Variants in CRISPLD2 observed in about 807,000 individuals in gnomAD.
CRISPLD2 encodes the protein cysteine rich secretory protein LCCL domain containing 2, also known as cysteine-rich secretory protein LCCL domain-containing 2.
A neutral mutation model predicts 71.1 loss-of-function variants in CRISPLD2; 47 were observed. That is an observed-to-expected ratio of 0.66 (90% CI 0.52 to 0.84). The LOEUF (loss-of-function observed/expected upper bound fraction) is 0.84, where lower values mean the gene tolerates loss of function less well. Among genes scored for constraint, CRISPLD2 ranks in the 40% least tolerant of loss-of-function variants. CRISPLD2 has a pLI of 0.00. For synonymous variants in CRISPLD2, 317 were observed against 250.1 expected (o/e 1.27, Z -2.52); for missense variants, 830 against 651.1 (o/e 1.27, Z -2.99).
chr16:84,867,898 C>T (rs1213959497), intron 7 of CRISPLD2, among the ~76,000 whole-genome samples: 1 of 152,172 alleles, frequency 6.6e-6, no homozygotes, highest in Admixed American at 6.5e-5. Context: ...GGGTGGAGTT[C>T]AGCTCCCCTT....
chr16:84,887,079 G>C (rs1433469021), intron 13 of CRISPLD2, among the ~76,000 whole-genome samples: 1 of 152,088 alleles, frequency 6.6e-6, no homozygotes, highest in Non-Finnish European at 1.5e-5. Flanking sequence ...ACCATGTCTT[G>C]CTCTCTTCTT....
intron 7 of CRISPLD2, 62 bp downstream of exon 7, chr16:84,867,102 G>A: frequency 6.5e-7 from 1 of 1,546,882 alleles, no homozygotes; most frequent in Non-Finnish European, 8.9e-7. Flanking sequence ...GGGACGGGGT[G>A]GGTGGAGGAG....
intron 1 of CRISPLD2, among the ~76,000 whole-genome samples, chr16:84,837,260 T>C (rs926668405): frequency 5.9e-5 from 9 of 152,086 alleles, no homozygotes; most frequent in African/African-American, 2.2e-4. Flanking sequence ...GACCCTATAA[T>C]GGAGGGGAGG....
intron 1 of CRISPLD2, among the ~76,000 whole-genome samples, chr16:84,827,899 C>T (rs1916393952): frequency 2.0e-5 from 3 of 152,144 alleles, no homozygotes; most frequent in Non-Finnish European, 2.9e-5. Context: ...CTCAGCAGGA[C>T]CTTGCCGTCT....
intron 1 of CRISPLD2, among the ~76,000 whole-genome samples, chr16:84,837,405 C>A (rs1178231206): frequency 6.7e-6 from 1 of 148,564 alleles, no homozygotes; most frequent in East Asian, 2.0e-4. Flanking sequence ...CCACACTAAG[C>A]CATAGCTTGC....
intron 7 of CRISPLD2, 118 bp downstream of exon 7, chr16:84,867,158 C>A: frequency 1.9e-6 from 2 of 1,028,928 alleles, no homozygotes; most frequent in Non-Finnish European, 1.4e-6. Context: ...CAGTGGCAAA[C>A]AGGGTGCGGC....
At position 84,877,463 on chromosome 16, in the gene CRISPLD2, C is replaced by G; in HGVS notation, c.1182C>G (p.Thr394=). Residue 394 remains threonine (T), a synonymous_variant, in exon 12 of 15, where the codon ACC becomes ACG. Coordinates refer to ENST00000262424, the MANE Select transcript of CRISPLD2 (RefSeq NM_031476.4). The part of the protein sequence containing the change: ...VKVQDLDCYT[T]VAQLCPFEKP... ...TGCAGGATTTGGACTGCTACACGAC[C>G]GTTGCTCAGCTGTGCCCGTTTGAAA... 1 of 1,613,894 alleles carries G rather than the reference C, an allele frequency of 6.2e-7. No homozygotes were observed. Among genetic ancestry groups the G allele is most frequent in the South Asian group, 1.1e-5 (1 of 91,076 alleles).
chr16:84,824,599 A>G (rs2143129920), intron 1 of CRISPLD2, among the ~76,000 whole-genome samples: 1 of 152,300 alleles, frequency 6.6e-6, no homozygotes, highest in African/African-American at 2.4e-5. Context: ...TCCTTTTACA[A>G]CAAAGAGCAA....
intron 6 of CRISPLD2, among the ~76,000 whole-genome samples, chr16:84,857,037 A>T (rs983797159): frequency 6.6e-6 from 1 of 152,204 alleles, no homozygotes; most frequent in African/African-American, 2.4e-5. Context: ...AAGAGGTCCA[A>T]TGTAATTAAC....
chr16:84,881,344 A>G (rs1411059715), intron 13 of CRISPLD2, among the ~76,000 whole-genome samples: 2 of 152,190 alleles, frequency 1.3e-5, no homozygotes, highest in Non-Finnish European at 2.9e-5. Context: ...GGTTATACCA[A>G]TCTCTTCCTC....
At chr16:84,893,300 A>G (rs552975228) in intron 14 of CRISPLD2, among the ~76,000 whole-genome samples, 1 of 152,272 alleles carries the variant, frequency 6.6e-6, no homozygotes, top group Admixed American at 6.5e-5. Flanking sequence ...ATGACATGAA[A>G]CCCAGGGGCA....
chr16:84,846,402 G>A (rs959204600), intron 3 of CRISPLD2, among the ~76,000 whole-genome samples: 2 of 152,126 alleles, frequency 1.3e-5, no homozygotes, highest in African/African-American at 2.4e-5. Flanking sequence ...ATAGGCATGT[G>A]CCACCACGCC....
At position 84,907,785 on chromosome 16, in the gene CRISPLD2, G is replaced by A. The variant is rs2071817583; in HGVS notation, c.*1143G>A. 1 of 152,162 alleles carries A rather than the reference G, an allele frequency of 6.6e-6. No homozygotes were observed. Among genetic ancestry groups the A allele is most frequent in the Non-Finnish European group, 1.5e-5 (1 of 68,040 alleles). 9.4% of individuals were successfully genotyped at this position (152,162 alleles called of 1,614,324 possible). On this transcript the variant is annotated 3_prime_UTR_variant, in exon 15 of 15. Coordinates refer to ENST00000262424, the MANE Select transcript of CRISPLD2 (RefSeq NM_031476.4). ...TGTGGCCTCATGACAGCGAGAGATG[G>A]GAATACACTAGAAGGATCTCTTTTC...
rs1297496215 is a variant in CRISPLD2 at position 84,849,435 on chromosome 16, A to G, written c.410A>G (p.Asp137Gly). 2 of 1,614,012 alleles carry G rather than the reference A, an allele frequency of 1.2e-6. No homozygotes were observed. Among genetic ancestry groups the G allele is most frequent in the Non-Finnish European group, 1.7e-6 (2 of 1,179,856 alleles). Residue 137 changes from aspartate to glycine, a missense_variant, in exon 4 of 15, where the codon GAC (aspartate) becomes GGC (glycine). Asp to Gly is a moderately conservative substitution (Grantham distance 94, BLOSUM62 -1). Transcript: ENST00000262424. The stretch of plus-strand genomic sequence containing the variant: ...CAGTCCTGGTATGACGAGGTGAAGG[A>G]CTACACCTACCCCTACCCGAGCGAG... ...HVQSWYDEVK[D>G]YTYPYPSECN...
At chr16:84,865,977 C>A (rs567318759) in intron 6 of CRISPLD2, among the ~76,000 whole-genome samples, 16 of 152,272 alleles carry the variant, frequency 1.1e-4, no homozygotes, top group African/African-American at 3.9e-4. Flanking sequence ...CATGTTGAGT[C>A]TGACATTATT....
At chr16:84,851,423 G>A (rs1014406664) in intron 5 of CRISPLD2, among the ~76,000 whole-genome samples, 1 of 151,538 alleles carries the variant, frequency 6.6e-6, no homozygotes, top group Non-Finnish European at 1.5e-5. Flanking sequence ...GCTGGCCACC[G>A]CCGTTCTTGC....
chr16:84,877,393 A>T (rs1297228568), intron 11 of CRISPLD2, 45 bp from the exon 12 acceptor site: 1 of 1,578,078 alleles, frequency 6.3e-7, no homozygotes. Context: ...CCTGAGGCCC[A>T]GGCGTGCTGG....
At chr16:84,839,067 G>A (rs1232272948) in intron 2 of CRISPLD2, 2 of 412,076 alleles carry the variant, frequency 4.9e-6, no homozygotes, top group Non-Finnish European at 9.4e-6. Context: ...TAAATATTTT[G>A]TGGAGATGGG....
intron 6 of CRISPLD2, among the ~76,000 whole-genome samples, chr16:84,855,527 A>G (rs188479699): frequency 6.7e-6 from 1 of 149,592 alleles, no homozygotes; most frequent in South Asian, 2.1e-4. Context: ...TCCTAGCTGC[A>G]CTGGCAGCTG....
Sources: gnomAD v4.1 joint callset for allele counts (sites outside exome capture counted in the v4.1 genomes callset) on GRCh38, gnomAD v4.1.1 for gene constraint, MANE v1.5 for transcripts, NCBI Gene and HGNC (gene_info 2026-07-23, HGNC 2026-07-21) for gene names.